Variants in SLC60A1 observed in about 807,000 individuals in gnomAD.
SLC60A1 encodes the protein solute carrier family 60 member 1.
At chr1:205,583,771 C>G in the SLC60A1 span, among the ~76,000 whole-genome samples, 3 of 152,204 alleles carry the variant, frequency 2.0e-5, no homozygotes, top group African/African-American at 7.2e-5. Flanking sequence ...CAGCAGGCCT[C>G]CCCACTCCTA....
At chr1:205,593,194 C>T in the SLC60A1 span, among the ~76,000 whole-genome samples, 2 of 151,910 alleles carry the variant, frequency 1.3e-5, no homozygotes, top group East Asian at 1.9e-4. Context: ...TTTCTGGCCG[C>T]GCGGGGTGGC....
At chr1:205,569,474 G>GCCTCCCTCCCTC in the SLC60A1 span, among the ~76,000 whole-genome samples, 44 of 138,176 alleles carry the variant, frequency 3.2e-4, no homozygotes, top group East Asian at 4.9e-4. Context: ...CCGAAGAGCT[G>GCCTCCCTCCCTC]CCTCCCTCCC....
the SLC60A1 span, among the ~76,000 whole-genome samples, chr1:205,579,208 C>T: frequency 6.6e-6 from 1 of 152,302 alleles, no homozygotes; most frequent in Admixed American, 6.5e-5. Context: ...GGGTTGTGGG[C>T]GCTGGTGTGG....
At chr1:205,579,188 C>A in the SLC60A1 span, among the ~76,000 whole-genome samples, 1 of 152,208 alleles carries the variant, frequency 6.6e-6, no homozygotes, top group Non-Finnish European at 1.5e-5. Context: ...ATCAAATCAC[C>A]TGAATACCTG....
the SLC60A1 span, chr1:205,592,357 C>G: frequency 2.9e-6 from 4 of 1,362,574 alleles, no homozygotes; most frequent in Non-Finnish European, 3.9e-6. Flanking sequence ...TCTGCCCTGT[C>G]TCTCTGTGCT....
chr1:205,588,329 G>T, the SLC60A1 span, among the ~76,000 whole-genome samples: 3 of 152,038 alleles, frequency 2.0e-5, no homozygotes, highest in Admixed American at 2.0e-4. Flanking sequence ...AATTAGCCGG[G>T]CGTGGTGGCG....
the SLC60A1 span, among the ~76,000 whole-genome samples, chr1:205,579,248 T>C: frequency 6.6e-6 from 1 of 152,152 alleles, no homozygotes. Flanking sequence ...TGTGAAGCAA[T>C]GGCGTCCTCA....
chr1:205,584,118 A>T, the SLC60A1 span: 5 of 1,612,844 alleles, frequency 3.1e-6, no homozygotes, highest in Non-Finnish European at 4.2e-6. Flanking sequence ...TTTCAGTCAC[A>T]CCTAGGTAGG....
the SLC60A1 span, chr1:205,600,578 T>TCCA: frequency 1.0e-6 from 1 of 977,388 alleles, no homozygotes; most frequent in South Asian, 1.5e-5. Flanking sequence ...TCAAGTCTTC[T>TCCA]CCACTAAAAC....
At chr1:205,598,814 G>A in the SLC60A1 span, 1 of 346,212 alleles carries the variant, frequency 2.9e-6, no homozygotes. Flanking sequence ...TAGGGCTTAT[G>A]GGTATAGAAA....
At chr1:205,592,310 G>C in the SLC60A1 span, 3 of 1,599,018 alleles carry the variant, frequency 1.9e-6, no homozygotes, top group Non-Finnish European at 2.6e-6. Context: ...CCCGAGCCAG[G>C]AGGCGCGCTC....
At chr1:205,586,705 T>G in the SLC60A1 span, among the ~76,000 whole-genome samples, 2 of 151,712 alleles carry the variant, frequency 1.3e-5, no homozygotes, top group Non-Finnish European at 2.9e-5. Context: ...GACTCTTTTT[T>G]TTTTTTTTTG....
At chr1:205,597,942 C>T in the SLC60A1 span, 10 of 1,328,318 alleles carry the variant, frequency 7.5e-6, no homozygotes, top group Non-Finnish European at 9.7e-6. Context: ...TGAACTCAAA[C>T]TGTCCCTTTC....
the SLC60A1 span, among the ~76,000 whole-genome samples, chr1:205,585,572 G>T: frequency 6.6e-6 from 1 of 152,196 alleles, no homozygotes; most frequent in African/African-American, 2.4e-5. This position sits in a 1 kb window ranked among gnomAD's most constrained non-coding sequence, Gnocchi z 4.2. Context: ...AAACTTAGAT[G>T]ACCTGGTGGA....
the SLC60A1 span, among the ~76,000 whole-genome samples, chr1:205,593,612 A>C: frequency 6.6e-6 from 1 of 152,106 alleles, no homozygotes; most frequent in African/African-American, 2.4e-5. Context: ...TTAGCACATA[A>C]CATCACCATC....
the SLC60A1 span, chr1:205,579,527 CT>C: frequency 3.4e-6 from 2 of 596,542 alleles, no homozygotes; most frequent in Admixed American, 5.9e-5. Flanking sequence ...AGTGGCTAGG[CT>C]TTGTGAAGTG....
At chr1:205,592,489 C>G in the SLC60A1 span, among the ~76,000 whole-genome samples, 1 of 151,858 alleles carries the variant, frequency 6.6e-6, no homozygotes, top group Non-Finnish European at 1.5e-5. Flanking sequence ...CCCATTAACT[C>G]GTCATTTAGC....
the SLC60A1 span, among the ~76,000 whole-genome samples, chr1:205,595,667 C>CA: frequency 6.6e-6 from 1 of 152,216 alleles, no homozygotes; most frequent in East Asian, 1.9e-4. Context: ...CTCTGAGCCT[C>CA]AATTTTCTCA....
At chr1:205,591,940 C>T in the SLC60A1 span, 4 of 623,470 alleles carry the variant, frequency 6.4e-6, no homozygotes, top group Admixed American at 3.1e-5. Context: ...CTCCTTTCCA[C>T]GCTTCCTTCC....
Sources: gnomAD v4.1 joint callset for allele counts (sites outside exome capture counted in the v4.1 genomes callset) on GRCh38, gnomAD v4.1.1 for gene constraint, Gnocchi (gnomAD v3.1) non-coding constraint, MANE v1.5 for transcripts, NCBI Gene and HGNC (gene_info 2026-07-23, HGNC 2026-07-21) for gene names.